The following LRGUK variants were observed in gnomAD, a reference collection of about 807,000 sequenced individuals.
The protein encoded by LRGUK is leucine rich repeats and guanylate kinase domain containing.
Under a neutral mutation model 76.0 loss-of-function variants are expected in LRGUK, and 65 were observed. The ratio of observed to expected loss-of-function variants is 0.85; its 90% CI spans 0.70 to 1.05. The LOEUF (loss-of-function observed/expected upper bound fraction) is 1.05, where lower values mean the gene tolerates loss of function less well. LRGUK is among the 50% of genes least tolerant of loss of function. LRGUK has a pLI of 0.00. For synonymous variants in LRGUK, 268 were observed against 265.6 expected (o/e 1.01, Z -0.09); for missense variants, 758 against 732.8 (o/e 1.03, Z -0.40).
At chr7:134,170,786 T>C (rs1312552485) in intron 7 of LRGUK, among the ~76,000 whole-genome samples, 1 of 152,210 alleles carries the variant, frequency 6.6e-6, no homozygotes, top group Admixed American at 6.5e-5. Context: ...AGCCTTGTGC[T>C]AACCAATTCC....
At chr7:134,186,243 G>A (rs1184688060) in intron 11 of LRGUK, among the ~76,000 whole-genome samples, 2 of 152,146 alleles carry the variant, frequency 1.3e-5, no homozygotes, top group Non-Finnish European at 2.9e-5. Flanking sequence ...TTGACTCATC[G>A]TCAAGATTTG....
At chr7:134,155,212 A>G (rs949036881) in intron 5 of LRGUK, among the ~76,000 whole-genome samples, 1 of 152,184 alleles carries the variant, frequency 6.6e-6, no homozygotes, top group Admixed American at 6.5e-5. Context: ...TATTTCATCC[A>G]TACCTGAGTG....
intron 5 of LRGUK, among the ~76,000 whole-genome samples, chr7:134,149,602 A>G (rs562526052): frequency 6.6e-6 from 1 of 152,334 alleles, no homozygotes; most frequent in Non-Finnish European, 1.5e-5. Flanking sequence ...GGACATTTAG[A>G]TGGTGCTTAA....
intron 5 of LRGUK, among the ~76,000 whole-genome samples, chr7:134,153,149 T>A (rs540726023): frequency 6.6e-6 from 1 of 152,150 alleles, no homozygotes; most frequent in South Asian, 2.1e-4. Context: ...TTAACCCAGC[T>A]CTATGTAAAA....
At chr7:134,163,576 T>C (rs1044194028) in intron 7 of LRGUK, 36 bp downstream of exon 7, 1 of 1,574,246 alleles carries the variant, frequency 6.4e-7, no homozygotes, top group Non-Finnish European at 8.6e-7. Context: ...GTTTCAGTGT[T>C]GACATAAGAG....
the LRGUK span, among the ~76,000 whole-genome samples, chr7:134,273,729 T>C: frequency 1.3e-5 from 2 of 152,216 alleles, no homozygotes; most frequent in Non-Finnish European, 2.9e-5. Context: ...AAAAATATGT[T>C]ATTTTACTGA....
intron 19 of LRGUK, among the ~76,000 whole-genome samples, chr7:134,262,116 G>A (rs1802743052): frequency 6.6e-6 from 1 of 152,198 alleles, no homozygotes; most frequent in South Asian, 2.1e-4. Context: ...GCTCATGTCT[G>A]TAATCCCAGC....
intron 16 of LRGUK, among the ~76,000 whole-genome samples, chr7:134,226,038 T>C (rs1801733335): frequency 6.6e-6 from 1 of 152,218 alleles, no homozygotes; most frequent in African/African-American, 2.4e-5. Flanking sequence ...TTTTAGTGGA[T>C]GGAAGAAAGT....
intron 5 of LRGUK, among the ~76,000 whole-genome samples, chr7:134,157,582 G>A (rs1375559199): frequency 1.3e-5 from 2 of 152,320 alleles, no homozygotes; most frequent in East Asian, 3.9e-4. Flanking sequence ...GAGTGCAGTG[G>A]CGCGATCTCT....
At position 134,127,435 on chromosome 7, in the gene LRGUK, C is replaced by A. The variant is rs775119769; in HGVS notation, c.68C>A (p.Ser23Tyr). The stretch of plus-strand genomic sequence containing the variant: ...TCTCTCCTGAGAGGCTTGGGCAGAT[C>A]CCGAACTGGAGCCCGATCGTTACAG... The change falls in exon 1 of 16, where the codon TCC (serine) becomes TAC (tyrosine). Residue 23 changes from serine to tyrosine, a missense_variant. Physicochemically the swap from Ser to Tyr is moderately radical, Grantham distance 144. Coordinates refer to ENST00000645682, the Ensembl canonical transcript of LRGUK. The A allele has an allele frequency of 5.6e-6, 9 of 1,613,750 alleles. No individual in the cohort carries two copies. The highest frequency in any genetic ancestry group is 1.7e-5 in the Admixed American group (1 of 59,968).
downstream of LRGUK, among the ~76,000 whole-genome samples, chr7:134,268,280 A>T (rs1802896885): frequency 6.6e-6 from 1 of 152,160 alleles, no homozygotes; most frequent in South Asian, 2.1e-4. Flanking sequence ...TATAAATGAA[A>T]TAGGGGATGA....
At chr7:134,128,815 G>C (rs1317358467) in intron 1 of LRGUK, among the ~76,000 whole-genome samples, 4 of 152,188 alleles carry the variant, frequency 2.6e-5, no homozygotes, top group South Asian at 2.1e-4. Flanking sequence ...CTCCCAGAGT[G>C]CTGGGATTAC....
intron 10 of LRGUK, among the ~76,000 whole-genome samples, chr7:134,183,182 C>T (rs1241269746): frequency 6.6e-6 from 1 of 152,210 alleles, no homozygotes; most frequent in Non-Finnish European, 1.5e-5. Flanking sequence ...CCTCATTGTA[C>T]TTCAGTTTCT....
In LRGUK at chr7:134,178,496, G is replaced by T. The variant is rs1032775170; in HGVS notation, c.1108-7G>T. On this transcript the variant is annotated splice_polypyrimidine_tract_variant and splice_region_variant and intron_variant, in intron 9 of 15. Transcript: ENST00000645682. ...TTTTCCCTTTTACATCTCTAATTCT[G>T]GAAAAGGTTTCAGCAGTGAATAAAT... 1 of 1,595,408 alleles carries T rather than the reference G, an allele frequency of 6.3e-7. No homozygotes were observed. The highest frequency in any genetic ancestry group is 1.8e-5 in the Admixed American group (1 of 55,674).
At chr7:134,159,958 A>G (rs1332501554) in intron 6 of LRGUK, among the ~76,000 whole-genome samples, 1 of 152,260 alleles carries the variant, frequency 6.6e-6, no homozygotes, top group African/African-American at 2.4e-5. Flanking sequence ...CAAAACATAA[A>G]TGAAAATGCA....
intron 1 of LRGUK, among the ~76,000 whole-genome samples, chr7:134,135,954 C>T (rs1364922759): frequency 6.6e-6 from 1 of 152,236 alleles, no homozygotes; most frequent in Non-Finnish European, 1.5e-5. Context: ...CCGCGCCCGG[C>T]AAGAAGCTCT....
At chr7:134,162,309 CTATT>C (rs1260209000) in intron 6 of LRGUK, among the ~76,000 whole-genome samples, 1 of 152,108 alleles carries the variant, frequency 6.6e-6, no homozygotes, top group East Asian at 1.9e-4. Context: ...GTTTTTCTCT[CTATT>C]TAGTGTCAGG....
intron 16 of LRGUK, among the ~76,000 whole-genome samples, chr7:134,242,605 C>T (rs541320918): frequency 1.8e-4 from 28 of 152,086 alleles, no homozygotes; most frequent in African/African-American, 5.5e-4. Context: ...TGGATTCACA[C>T]CTAAATTCTA....
chr7:134,246,304 G>A (rs561908826), intron 16 of LRGUK, among the ~76,000 whole-genome samples: 11 of 152,304 alleles, frequency 7.2e-5, no homozygotes, highest in Admixed American at 3.3e-4. Context: ...GTGTGCAGGG[G>A]ATACAGCAGT....
Sources: allele counts gnomAD v4.1 joint callset (sites outside exome capture counted in the v4.1 genomes callset), GRCh38; gene constraint gnomAD v4.1.1; transcripts MANE v1.5; gene names NCBI Gene and HGNC (gene_info 2026-07-23, HGNC 2026-07-21).